Variants in PALM2AKAP2 observed in about 807,000 individuals in gnomAD.
The protein encoded by PALM2AKAP2 is PALM2-AKAP2 fusion protein.
In PALM2AKAP2, 37 loss-of-function variants were observed where a neutral mutation model predicts 71.5. The observed-to-expected ratio is 0.52, with a 90% CI of 0.40 to 0.68. PALM2AKAP2 has a LOEUF of 0.68. Ranked by LOEUF, PALM2AKAP2 falls within the 30% of genes least tolerant of loss-of-function variation. The pLI, the probability that PALM2AKAP2 is intolerant of heterozygous loss-of-function variation, is 0.00. For missense variants in PALM2AKAP2, 1,224 were observed against 1,191.8 expected, an observed-to-expected ratio of 1.03 and a Z score of -0.40; for synonymous variants, 468 against 478.8, an observed-to-expected ratio of 0.98 and a Z score of 0.29.
At chr9:109,753,205 A>G (rs953975023) in intron 1 of PALM2AKAP2, among the ~76,000 whole-genome samples, 4 of 152,112 alleles carry the variant, frequency 2.6e-5, no homozygotes, top group Non-Finnish European at 5.9e-5. Context: ...AAAGCCAGAG[A>G]GGAGAAATTC....
chr9:109,887,234 G>A (rs1829985742), intron 3 of PALM2AKAP2, among the ~76,000 whole-genome samples: 1 of 152,206 alleles, frequency 6.6e-6, no homozygotes, highest in African/African-American at 2.4e-5. Context: ...TTCTAGAAAA[G>A]GCAACCACTG....
chr9:109,943,598 A>G (rs983489918), intron 6 of PALM2AKAP2: 24 of 848,068 alleles, frequency 2.8e-5, no homozygotes, highest in Non-Finnish European at 3.8e-5. Context: ...CTGAGAGACA[A>G]CGTGCATGTG....
At chr9:110,059,831 A>G (rs77487126) in intron 1 of PALM2AKAP2, among the ~76,000 whole-genome samples, 2,811 of 152,300 alleles carry the variant, frequency 0.018, 72 homozygotes, top group African/African-American at 0.06. Context: ...TAGGGGGTGG[A>G]GATCATGAGA....
At chr9:109,673,752 A>G (rs536015158) in intron 1 of PALM2AKAP2, among the ~76,000 whole-genome samples, 1 of 152,230 alleles carries the variant, frequency 6.6e-6, no homozygotes, top group Non-Finnish European at 1.5e-5. Context: ...GTAGGGCTCT[A>G]AGAACTTGCT....
chr9:109,976,257 T>A (rs1832171095), intron 6 of PALM2AKAP2, among the ~76,000 whole-genome samples: 1 of 152,220 alleles, frequency 6.6e-6, no homozygotes, highest in African/African-American at 2.4e-5. Flanking sequence ...GTACTATCAT[T>A]AGCAGTTTAC....
chr9:109,868,117 C>G (rs148887524), intron 2 of PALM2AKAP2, among the ~76,000 whole-genome samples: 1 of 152,216 alleles, frequency 6.6e-6, no homozygotes, highest in East Asian at 1.9e-4. Flanking sequence ...TCTGTGAGAG[C>G]AAGCAGTTGG....
chr9:109,664,094 G>A (rs1209818185), intron 1 of PALM2AKAP2, among the ~76,000 whole-genome samples: 3 of 152,146 alleles, frequency 2.0e-5, no homozygotes, highest in African/African-American at 7.2e-5. Context: ...TTGCACGTGA[G>A]ATGGGTGTCC....
At chr9:110,015,985 A>T (rs759066171) in exon 7 of PALM2AKAP2, 2 of 1,613,952 alleles carry the variant, frequency 1.2e-6, no homozygotes, top group African/African-American at 2.7e-5. Flanking sequence ...TGCTAAAGGA[A>T]GGTGAGTCAG....
chr9:109,950,853 A>C (rs776958546), intron 6 of PALM2AKAP2, among the ~76,000 whole-genome samples: 1 of 152,212 alleles, frequency 6.6e-6, no homozygotes, highest in Non-Finnish European at 1.5e-5. Flanking sequence ...GTTTACTCTA[A>C]TCTCTTATTA....
At chr9:110,041,263 T>C (rs1387033640) in intron 7 of PALM2AKAP2, among the ~76,000 whole-genome samples, 1 of 148,732 alleles carries the variant, frequency 6.7e-6, no homozygotes, top group African/African-American at 2.5e-5. Flanking sequence ...CCCATGCTGC[T>C]TTTTTGTTGT....
At chr9:110,111,533 GCCA>G (rs1177222225) in intron 1 of PALM2AKAP2, among the ~76,000 whole-genome samples, 3 of 152,124 alleles carry the variant, frequency 2.0e-5, no homozygotes, top group South Asian at 2.1e-4. Flanking sequence ...CAAACCCCTT[GCCA>G]CCACCACAGC....
intron 1 of PALM2AKAP2, among the ~76,000 whole-genome samples, chr9:109,858,746 G>T (rs554162370): frequency 6.6e-6 from 1 of 152,000 alleles, no homozygotes; most frequent in Non-Finnish European, 1.5e-5. Context: ...CACCACAAGG[G>T]GCTTATCAAT....
chr9:109,759,775 TATA>T (rs1829022217), intron 1 of PALM2AKAP2, among the ~76,000 whole-genome samples: 1 of 152,164 alleles, frequency 6.6e-6, no homozygotes, highest in Non-Finnish European at 1.5e-5. Flanking sequence ...TGTCTTTTAT[TATA>T]GTTAGTTATG....
chr9:109,698,710 G>A (rs893047157), intron 1 of PALM2AKAP2, among the ~76,000 whole-genome samples: 2 of 152,204 alleles, frequency 1.3e-5, no homozygotes, highest in African/African-American at 4.8e-5. Context: ...GAGTGGGAAG[G>A]CTGGTACGAA....
intron 7 of PALM2AKAP2, among the ~76,000 whole-genome samples, chr9:110,031,684 G>A (rs1833279766): frequency 6.6e-6 from 1 of 152,144 alleles, no homozygotes; most frequent in South Asian, 2.1e-4. Flanking sequence ...GACAAGGAGT[G>A]CTGGAGCCTA....
chr9:110,143,077 C>T lies in PALM2AKAP2; in HGVS notation c.2569+4538C>T, dbSNP rs550970330. Among the ~76,000 whole-genome samples, 170 of 148,464 alleles carry T rather than the reference C, an allele frequency of 1.1e-3. 1 individual carries two copies. The highest frequency in any genetic ancestry group is 4.0e-3 in the African/African-American group (161 of 40,560). On this transcript the variant is annotated intron_variant, in intron 2 of 3. Coordinates refer to ENST00000374525, the Ensembl canonical transcript of PALM2AKAP2. ...TATGTTATGTGAGGGGCCATGCTCC[C>T]AATAGTGTGTGCATGTGTGCCCTCT... is the stretch of plus-strand genomic sequence containing the variant.
intron 6 of PALM2AKAP2, among the ~76,000 whole-genome samples, chr9:109,997,155 A>T (rs1324916261): frequency 6.6e-6 from 1 of 152,188 alleles, no homozygotes; most frequent in East Asian, 1.9e-4. Flanking sequence ...ACGCCACTGC[A>T]TGCCAGCCTG....
chr9:109,955,083 T>C (rs780200097), intron 6 of PALM2AKAP2, among the ~76,000 whole-genome samples: 17 of 152,184 alleles, frequency 1.1e-4, no homozygotes, highest in African/African-American at 3.4e-4. Context: ...CTGGCCCCTA[T>C]TGGCATTTGA....
At chr9:109,760,807 A>G (rs942155173) in intron 1 of PALM2AKAP2, among the ~76,000 whole-genome samples, 1 of 152,102 alleles carries the variant, frequency 6.6e-6, no homozygotes, top group Non-Finnish European at 1.5e-5. Flanking sequence ...GTACAAATGC[A>G]CTCAATTTTC....
Sources: gnomAD v4.1 joint callset for allele counts (sites outside exome capture counted in the v4.1 genomes callset) on GRCh38, gnomAD v4.1.1 for gene constraint, MANE v1.5 for transcripts, NCBI Gene and HGNC (gene_info 2026-07-23, HGNC 2026-07-21) for gene names.